Variants in JMY observed in about 807,000 individuals in gnomAD.
The protein encoded by JMY is junction-mediating and -regulatory protein.
JMY carries 46 observed loss-of-function variants against 103.3 expected under a neutral mutation model. The ratio of observed to expected loss-of-function variants is 0.45; its 90% CI spans 0.35 to 0.57. The LOEUF (loss-of-function observed/expected upper bound fraction) is 0.57. Ranked by LOEUF, JMY falls within the 20% of genes least tolerant of loss-of-function variation. The pLI is 0.00. For synonymous variants in JMY, 526 were observed against 489.3 expected (o/e 1.07, Z -0.99); for missense variants, 1,238 against 1,255.2 (o/e 0.99, Z 0.21).
chr5:79,313,629 A>G (rs1192714512), intron 8 of JMY, among the ~76,000 whole-genome samples: 1 of 152,230 alleles, frequency 6.6e-6, no homozygotes, highest in East Asian at 1.9e-4. Context: ...CTTTTTGCAT[A>G]CCAGTAGCAT....
intron 1 of JMY, among the ~76,000 whole-genome samples, chr5:79,269,468 C>A (rs1745678742): frequency 6.6e-6 from 1 of 152,126 alleles, no homozygotes; most frequent in African/African-American, 2.4e-5. Context: ...TTGATACCCA[C>A]AAAATAACTT....
intron 1 of JMY, among the ~76,000 whole-genome samples, chr5:79,263,803 T>G (rs2112068715): frequency 6.7e-6 from 1 of 149,786 alleles, no homozygotes; most frequent in East Asian, 1.9e-4. Flanking sequence ...ATGTCCGTCT[T>G]TTTTTTTTTT....
chr5:79,293,684 T>A (rs1294266122), intron 4 of JMY, among the ~76,000 whole-genome samples: 1 of 152,210 alleles, frequency 6.6e-6, no homozygotes, highest in Non-Finnish European at 1.5e-5. Context: ...TAGTAGGTTC[T>A]CAAATTATCT....
At chr5:79,301,899 T>C (rs57033399) in intron 6 of JMY, among the ~76,000 whole-genome samples, 18,838 of 151,882 alleles carry the variant, frequency 0.12, 3,165 homozygotes, top group African/African-American at 0.39. Context: ...CCAGCCAACA[T>C]GGTGAAACCC....
At chr5:79,312,369 C>G (rs1454526746) in intron 7 of JMY, 34 bp from the exon 8 acceptor site, 1 of 1,270,168 alleles carries the variant, frequency 7.9e-7, no homozygotes, top group Non-Finnish European at 1.1e-6. Flanking sequence ...AATTGGGACA[C>G]AGCATAATGG....
chr5:79,254,268 C>CT (rs1400022599), intron 1 of JMY, among the ~76,000 whole-genome samples: 1 of 151,988 alleles, frequency 6.6e-6, no homozygotes, highest in Non-Finnish European at 1.5e-5. Context: ...TGGTAGATGA[C>CT]TTTTTTATTG....
At chr5:79,252,174 T>G (rs186875761) in intron 1 of JMY, among the ~76,000 whole-genome samples, 1 of 152,206 alleles carries the variant, frequency 6.6e-6, no homozygotes, top group Non-Finnish European at 1.5e-5. Context: ...GTTTCCATTA[T>G]GATTTGTTTT....
chr5:79,305,011 T>C (rs919985488), intron 6 of JMY, among the ~76,000 whole-genome samples: 4 of 152,192 alleles, frequency 2.6e-5, no homozygotes, highest in Admixed American at 1.3e-4. Flanking sequence ...ACGCCCTTTG[T>C]TTTCCCCATT....
chr5:79,301,244 T>G (rs1440207647), intron 6 of JMY, among the ~76,000 whole-genome samples: 1 of 152,234 alleles, frequency 6.6e-6, no homozygotes, highest in Non-Finnish European at 1.5e-5. Context: ...TTAGAATGTT[T>G]GATTCTTGAT....
At position 79,323,483 on chromosome 5, in the gene JMY, G is replaced by A. The variant is rs1359077535; in HGVS notation, c.*1881G>A. ...TAAAGCGTATTTCTTAACCCAAAGA[G>A]TGATTGGTTATATGAATATATTTGA... On this transcript the variant is annotated 3_prime_UTR_variant, in exon 11 of 11. Transcript: ENST00000396137. The A allele has an allele frequency of 3.3e-5, 5 of 152,162 alleles. No individual in the cohort carries two copies. Among genetic ancestry groups the A allele is most frequent in the Non-Finnish European group, 7.3e-5 (5 of 68,032 alleles). 9.4% of individuals were successfully genotyped at this position (152,162 alleles called of 1,614,324 possible).
At chr5:79,277,852 A>C in intron 1 of JMY, 58 bp from the exon 2 acceptor site, 1 of 1,493,432 alleles carries the variant, frequency 6.7e-7, no homozygotes, top group Non-Finnish European at 9.1e-7. Context: ...GTTCAAAGCA[A>C]GTATTTATAG....
rs572765239 is a variant in JMY, at chr5:79,240,022, C to CTT, written c.1032+2350_1032+2351dup. Among the ~76,000 whole-genome samples the CTT allele has an allele frequency of 5.5e-5, 8 of 144,586 alleles. No individual in the cohort carries two copies. The East Asian group carries it at 1.2e-3, about 22-fold the overall frequency. 94.9% of individuals were successfully genotyped at this position (144,586 alleles called of 152,430 possible). A position where few individuals can be genotyped will look rare whatever the true frequency, so the allele number is the denominator to read the frequency against. On this transcript the variant is annotated intron_variant, in intron 1 of 10. Transcript: ENST00000396137. ...ACAGAAAATTATACTTTTTTTCTTTCTTTTTTTTTTTGAGATGGAGTCTCG... is the reference window on the plus strand; with the variant it reads ...ACAGAAAATTATACTTTTTTTCTTTCTTTTTTTTTTTTTGAGATGGAGTCTCG...
At chr5:79,250,245 G>A (rs115307122) in intron 1 of JMY, among the ~76,000 whole-genome samples, 22 of 152,210 alleles carry the variant, frequency 1.4e-4, no homozygotes, top group African/African-American at 4.6e-4. Flanking sequence ...AAAATCTAAC[G>A]GGTTGATCTT....
chr5:79,257,436 C>G (rs2112060618), intron 1 of JMY, among the ~76,000 whole-genome samples: 1 of 152,182 alleles, frequency 6.6e-6, no homozygotes, highest in South Asian at 2.1e-4. Context: ...AACCCTGTCT[C>G]TACAAAAACT....
At chr5:79,247,804 C>G (rs1744950109) in intron 1 of JMY, among the ~76,000 whole-genome samples, 1 of 151,642 alleles carries the variant, frequency 6.6e-6, no homozygotes, top group Non-Finnish European at 1.5e-5. Flanking sequence ...AGGCACCCGC[C>G]ACCATGCCTG....
At chr5:79,316,756 A>G (rs1215314982) in intron 10 of JMY, among the ~76,000 whole-genome samples, 1 of 151,956 alleles carries the variant, frequency 6.6e-6, no homozygotes, top group Admixed American at 6.6e-5. Flanking sequence ...AAATATAAAA[A>G]TTAGCCGGGC....
chr5:79,303,334 A>G (rs1746792761), intron 6 of JMY, among the ~76,000 whole-genome samples: 1 of 152,122 alleles, frequency 6.6e-6, no homozygotes, highest in Non-Finnish European at 1.5e-5. Context: ...AAGTGCTGGG[A>G]TTGCAGGTGT....
chr5:79,310,371 T>A (rs1408876727), intron 7 of JMY, among the ~76,000 whole-genome samples: 1 of 152,170 alleles, frequency 6.6e-6, no homozygotes, highest in Non-Finnish European at 1.5e-5. Context: ...AAGAAATTGA[T>A]TCTTAAGGTA....
At chr5:79,296,941 GATTGTGGAGTC>G (rs1746580458) in intron 4 of JMY, among the ~76,000 whole-genome samples, 1 of 152,256 alleles carries the variant, frequency 6.6e-6, no homozygotes, top group Non-Finnish European at 1.5e-5. Context: ...TGGTGAGAAT[GATTGTGGAGTC>G]AGCAGGGTAT....
Sources: gnomAD v4.1 joint callset for allele counts (sites outside exome capture counted in the v4.1 genomes callset) on GRCh38, gnomAD v4.1.1 for gene constraint, MANE v1.5 for transcripts, NCBI Gene and HGNC (gene_info 2026-07-23, HGNC 2026-07-21) for gene names.